The following JAZF1 variants were observed in gnomAD, a reference collection of about 807,000 sequenced individuals.
The protein encoded by JAZF1 is JAZF zinc finger 1, also known as juxtaposed with another zinc finger protein 1.
A neutral mutation model predicts 26.4 loss-of-function variants in JAZF1; 8 were observed. The ratio of observed to expected loss-of-function variants is 0.30; its 90% confidence interval spans 0.18 to 0.55. JAZF1 has a LOEUF of 0.55. Ranked by LOEUF, JAZF1 falls within the 20% of genes least tolerant of loss-of-function variation. The probability of loss-of-function intolerance (pLI) is 0.94; values close to 1 mark genes in which losing one functional copy is unlikely to be tolerated. For synonymous variants in JAZF1, 126 were observed against 122.3 expected (o/e 1.03, Z -0.20); for missense variants, 199 against 322.0 (o/e 0.62, Z 2.92).
chr7:28,029,048 C>T (rs542878504), intron 1 of JAZF1, among the ~76,000 whole-genome samples: 1 of 151,990 alleles, frequency 6.6e-6, no homozygotes, highest in South Asian at 2.1e-4. Flanking sequence ...CAAAATCATG[C>T]AGACATCTTT....
chr7:28,007,699 A>G (rs38525), intron 1 of JAZF1, among the ~76,000 whole-genome samples: 137,014 of 152,288 alleles, frequency 0.9, 62,359 homozygotes, highest in African/African-American at 0.98. Context: ...CCAGGTGACC[A>G]GCTGGATGGG....
At chr7:28,162,723 A>G (rs1012603990) in intron 1 of JAZF1, among the ~76,000 whole-genome samples, 1 of 152,208 alleles carries the variant, frequency 6.6e-6, no homozygotes, top group Non-Finnish European at 1.5e-5. Flanking sequence ...TGATATAAAG[A>G]CACCAGGGGC....
intron 3 of JAZF1, among the ~76,000 whole-genome samples, chr7:27,855,398 C>CA (rs1190457911): frequency 6.6e-6 from 1 of 151,768 alleles, no homozygotes; most frequent in South Asian, 2.1e-4. Flanking sequence ...GATAGAGACA[C>CA]AAAAAACCCT....
rs546967762 is a variant in JAZF1 at position 28,038,380 on chromosome 7, T to A, written c.116-46399A>T. On this transcript the variant is annotated intron_variant, in intron 1 of 4. Transcript: ENST00000283928. ...TGATTCTGACACTATAAATCCAAAG[T>A]AGACTTGAACTTGTTAAGTACATGA... Among the ~76,000 whole-genome samples the A allele has an allele frequency of 2.2e-4, 34 of 152,286 alleles. No individual in the cohort carries two copies. The South Asian group carries it at 7.0e-3, about 32-fold the overall frequency.
rs577082452 is a variant in JAZF1, at chr7:27,949,703, C to T, written c.188+42206G>A. 2.6e-5 allele frequency among the ~76,000 whole-genome samples: 4 copies of T among 152,304 alleles called. No individual in the cohort carries two copies. In the South Asian group the frequency reaches 8.3e-4, roughly 32 times the overall value. On this transcript the variant is annotated intron_variant, in intron 2 of 4. Transcript: ENST00000283928. Reference sequence around the variant, plus strand: ...GCTTGAACCCAGGACAGAGAGGTTGCAATGAGCCGAAATTGTGCCATTGCA... The same window carrying T: ...GCTTGAACCCAGGACAGAGAGGTTGTAATGAGCCGAAATTGTGCCATTGCA...
At chr7:28,177,732 G>A (rs565093688) in intron 1 of JAZF1, among the ~76,000 whole-genome samples, 1 of 152,200 alleles carries the variant, frequency 6.6e-6, no homozygotes, top group East Asian at 1.9e-4. Flanking sequence ...AATCATTAAC[G>A]GTCTCCAAAT....
At chr7:28,077,860 G>A (rs1784076337) in intron 1 of JAZF1, among the ~76,000 whole-genome samples, 1 of 152,198 alleles carries the variant, frequency 6.6e-6, no homozygotes, top group Non-Finnish European at 1.5e-5. Flanking sequence ...TGGAAACTGA[G>A]GAAGTGGTAA....
At chr7:28,061,213 G>T (rs921118308) in intron 1 of JAZF1, among the ~76,000 whole-genome samples, 3 of 151,072 alleles carry the variant, frequency 2.0e-5, no homozygotes, top group African/African-American at 7.4e-5. Flanking sequence ...AGAAAACAAG[G>T]CATTATTATT....
intron 1 of JAZF1, among the ~76,000 whole-genome samples, chr7:27,993,180 C>T (rs1184807262): frequency 6.6e-6 from 1 of 152,200 alleles, no homozygotes; most frequent in Non-Finnish European, 1.5e-5. Context: ...TTCAGGGACA[C>T]ACTATTCAGA....
chr7:28,083,321 G>A (rs548156465), intron 1 of JAZF1, among the ~76,000 whole-genome samples: 1 of 152,214 alleles, frequency 6.6e-6, no homozygotes, highest in East Asian at 1.9e-4. Flanking sequence ...TCTGCACAAG[G>A]CCTACCACAT....
chr7:28,168,164 T>G (rs181046529), intron 1 of JAZF1, among the ~76,000 whole-genome samples: 1 of 151,992 alleles, frequency 6.6e-6, no homozygotes, highest in Non-Finnish European at 1.5e-5. Context: ...GGGTGGATCA[T>G]GAGGTCAGGA....
chr7:27,988,486 C>T (rs1041605379), intron 2 of JAZF1, among the ~76,000 whole-genome samples: 8 of 151,902 alleles, frequency 5.3e-5, no homozygotes, highest in East Asian at 1.9e-4. Flanking sequence ...ACCATCCTCC[C>T]GCTTTAGCCT....
chr7:28,105,841 G>A (rs1046619955), intron 1 of JAZF1, among the ~76,000 whole-genome samples: 4 of 152,152 alleles, frequency 2.6e-5, no homozygotes, highest in African/African-American at 4.8e-5. Flanking sequence ...AAAGTGACTC[G>A]ATGAGCACAC....
At chr7:27,960,546 G>GGAGTTAAGCTGTGGCATGAGGTGGAAGT (rs1203297459) in intron 2 of JAZF1, among the ~76,000 whole-genome samples, 10 of 152,248 alleles carry the variant, frequency 6.6e-5, no homozygotes, top group African/African-American at 2.4e-4. Flanking sequence ...GTATTCTGTA[G>GGAGTTAAGCTGTGGCATGAGGTGGAAGT]GAGTTAAGCT....
intron 3 of JAZF1, among the ~76,000 whole-genome samples, chr7:27,857,224 G>A (rs1783281702): frequency 6.6e-6 from 1 of 152,216 alleles, no homozygotes; most frequent in African/African-American, 2.4e-5. Flanking sequence ...AAGGCCCGGT[G>A]AGAAGTCAAG....
At chr7:27,992,002 C>T (rs372817233) in intron 1 of JAZF1, 21 bp from the exon 2 acceptor site, 273 of 1,478,960 alleles carry the variant, frequency 1.8e-4, no homozygotes, top group Non-Finnish European at 2.4e-4. Flanking sequence ...AACACAATTA[C>T]GATTTTTTTT....
intron 1 of JAZF1, among the ~76,000 whole-genome samples, chr7:28,119,133 G>C (rs561851318): frequency 1.3e-5 from 2 of 152,114 alleles, no homozygotes; most frequent in Non-Finnish European, 2.9e-5. Context: ...GCAGCCCCCG[G>C]TCTCCCTACC....
intron 1 of JAZF1, among the ~76,000 whole-genome samples, chr7:28,073,726 C>G (rs1179725209): frequency 6.6e-6 from 1 of 152,060 alleles, no homozygotes; most frequent in African/African-American, 2.4e-5. Flanking sequence ...GAGGAAAAAC[C>G]ACTCTGTTGT....
intron 2 of JAZF1, among the ~76,000 whole-genome samples, chr7:27,929,293 C>T (rs1784646644): frequency 6.6e-6 from 1 of 152,144 alleles, no homozygotes. Context: ...ATGCCCACAG[C>T]ATATCGGGTG....
Sources: gnomAD v4.1 joint callset for allele counts (sites outside exome capture counted in the v4.1 genomes callset) on GRCh38, gnomAD v4.1.1 for gene constraint, MANE v1.5 for transcripts, NCBI Gene and HGNC (gene_info 2026-07-23, HGNC 2026-07-21) for gene names.